Variants in BFSP2 observed in about 807,000 individuals in gnomAD.
BFSP2 encodes the protein beaded filament structural protein 2.
BFSP2 carries 38 observed loss-of-function variants against 44.9 expected under a neutral mutation model. That is an observed-to-expected ratio of 0.85 (90% CI 0.65 to 1.11). The LOEUF (loss-of-function observed/expected upper bound fraction) is 1.11, where lower values mean the gene tolerates loss of function less well. Ranked by LOEUF, BFSP2 falls within the 50% of genes least tolerant of loss-of-function variation. The pLI is 0.00. For missense variants in BFSP2, 525 were observed against 533.0 expected (o/e 0.99, Z 0.15); for synonymous variants, 197 against 209.9 (o/e 0.94, Z 0.53).
At chr3:133,412,998 C>T (rs1038782505) in intron 1 of BFSP2, among the ~76,000 whole-genome samples, 4 of 152,192 alleles carry the variant, frequency 2.6e-5, no homozygotes, top group African/African-American at 9.7e-5. Context: ...CGTCTGTGCT[C>T]TGCTACTATT....
chr3:133,450,815 T>C (rs925495004), intron 4 of BFSP2, among the ~76,000 whole-genome samples: 1 of 152,056 alleles, frequency 6.6e-6, no homozygotes, highest in Admixed American at 6.5e-5. Flanking sequence ...AATACAATCC[T>C]GAAAGAATAA....
At chr3:133,418,838 G>C (rs542233950) in intron 1 of BFSP2, among the ~76,000 whole-genome samples, 3 of 152,162 alleles carry the variant, frequency 2.0e-5, no homozygotes, top group Non-Finnish European at 2.9e-5. Flanking sequence ...CTTGTGTTGC[G>C]TGACGTCTGC....
chr3:133,468,159 T>C (rs1386962265), intron 5 of BFSP2, among the ~76,000 whole-genome samples: 1 of 152,092 alleles, frequency 6.6e-6, no homozygotes, highest in Non-Finnish European at 1.5e-5. Context: ...ATAAAACTAA[T>C]GAGATATGGT....
At chr3:133,474,027 AG>A (rs1175486890) in intron 6 of BFSP2, among the ~76,000 whole-genome samples, 2 of 152,150 alleles carry the variant, frequency 1.3e-5, no homozygotes, top group African/African-American at 4.8e-5. Context: ...GAGGCAGGCA[AG>A]GGGTTGGGAC....
intron 3 of BFSP2, chr3:133,448,933 C>A: frequency 7.2e-6 from 3 of 417,314 alleles, no homozygotes; most frequent in Non-Finnish European, 8.9e-6. Flanking sequence ...TTAGAGGGAG[C>A]AACCCCTCCT....
rs1281459289 is a variant in BFSP2 at position 133,418,896 on chromosome 3, A to G, written c.489+18324A>G. Among the ~76,000 whole-genome samples the G allele has an allele frequency of 3.3e-5, 5 of 152,204 alleles. No individual in the cohort carries two copies. In the East Asian group the frequency reaches 9.6e-4, roughly 29 times the overall value. ...TCTCTGTCTTAATTTGGGCCTCTCCATAACATACGGGGCTACCTAGGAAGA... is the reference window on the plus strand; with the variant it reads ...TCTCTGTCTTAATTTGGGCCTCTCCGTAACATACGGGGCTACCTAGGAAGA... On this transcript the variant is annotated intron_variant, in intron 1 of 6. Transcript: ENST00000302334.
intron 4 of BFSP2, among the ~76,000 whole-genome samples, chr3:133,464,908 G>A (rs1027291393): frequency 3.2e-4 from 49 of 152,078 alleles, no homozygotes; most frequent in African/African-American, 1.1e-3. Flanking sequence ...CGACTCCAAA[G>A]CCTTTAATGG....
At chr3:133,424,782 C>T (rs556871782) in intron 1 of BFSP2, among the ~76,000 whole-genome samples, 1 of 152,278 alleles carries the variant, frequency 6.6e-6, no homozygotes, top group South Asian at 2.1e-4. Flanking sequence ...ATTACAGGTG[C>T]ACAACACCAC....
intron 1 of BFSP2, among the ~76,000 whole-genome samples, chr3:133,411,183 A>G (rs1391385405): frequency 8.1e-4 from 3 of 3,682 alleles, no homozygotes; most frequent in Admixed American, 7.9e-3. Context: ...TAACACCGAA[A>G]AAAAAAAAAA....
intron 1 of BFSP2, among the ~76,000 whole-genome samples, chr3:133,442,284 G>A (rs2073853006): frequency 6.6e-6 from 1 of 152,128 alleles, no homozygotes; most frequent in African/African-American, 2.4e-5. Flanking sequence ...GACTGTGGGT[G>A]CACATCATGA....
intron 4 of BFSP2, among the ~76,000 whole-genome samples, chr3:133,458,035 G>A (rs1559980276): frequency 6.6e-6 from 1 of 152,200 alleles, no homozygotes; most frequent in Admixed American, 6.5e-5. Flanking sequence ...CCAAAAGTGT[G>A]TGCACTGGTA....
chr3:133,472,984 C>T (rs1162109161), intron 6 of BFSP2, among the ~76,000 whole-genome samples: 3 of 151,046 alleles, frequency 2.0e-5, no homozygotes, highest in African/African-American at 4.9e-5. Flanking sequence ...GGTCTCGTCT[C>T]GGTATGTTGC....
chr3:133,460,333 C>A lies in BFSP2; in HGVS notation c.892-6495C>A, dbSNP rs530498479. On this transcript the variant is annotated intron_variant, in intron 4 of 6. Transcript: ENST00000302334. ...CTTAGAAAGTGGCAACACTAGGATT[C>A]AAATTACACATTCTGACTCCAGAAT... Among the ~76,000 whole-genome samples the A allele has an allele frequency of 2.8e-4, 43 of 152,318 alleles. 1 individual carries two copies. The South Asian group carries it at 8.7e-3, about 31-fold the overall frequency.
chr3:133,431,175 G>C (rs2073713336), intron 1 of BFSP2, among the ~76,000 whole-genome samples: 1 of 152,032 alleles, frequency 6.6e-6, no homozygotes, highest in African/African-American at 2.4e-5. Context: ...TACCCAATCT[G>C]CTCCTGACAT....
chr3:133,417,279 CCCTCTCCCTTCTGCTCACCCCTGT>C lies in BFSP2; in HGVS notation c.489+16712_489+16735del, dbSNP rs1477653795. 2.9e-5 allele frequency among the ~76,000 whole-genome samples: 4 copies of C among 139,460 alleles called. No individual in the cohort carries two copies. The East Asian group carries it at 9.6e-4, about 33-fold the overall frequency. The allele number at this position is 139,460 out of a possible 152,430, so 91.5% of individuals were successfully genotyped here. ...GTCCTCTCCCCTCTACTCACCCTTG[CCCTCTCCCTTCTGCTCACCCCTGT>C]CCTCACCCCTCTACTCGGCCCTGCC... On this transcript the variant is annotated intron_variant, in intron 1 of 6. Transcript: ENST00000302334.
chr3:133,404,340 CT>C (rs1378186389), intron 1 of BFSP2, among the ~76,000 whole-genome samples: 3 of 152,312 alleles, frequency 2.0e-5, no homozygotes, highest in African/African-American at 7.2e-5. Context: ...CTCTCTGCCC[CT>C]GGGAGCCCCT....
chr3:133,434,465 C>CA (rs1344993511), intron 1 of BFSP2, among the ~76,000 whole-genome samples: 1 of 152,052 alleles, frequency 6.6e-6, no homozygotes, highest in East Asian at 1.9e-4. Context: ...TACCACCCCC[C>CA]AAAAATTTTC....
At chr3:133,407,309 A>G (rs2073412933) in intron 1 of BFSP2, among the ~76,000 whole-genome samples, 1 of 152,236 alleles carries the variant, frequency 6.6e-6, no homozygotes, top group Non-Finnish European at 1.5e-5. Context: ...AATCACCTCT[A>G]AACTTCAGAA....
Position 133,400,586 on chromosome 3 carries a change from CT to C in BFSP2, c.489+15del. 6.3e-7 allele frequency: 1 copy of C among 1,584,208 alleles called. No homozygotes were observed. The highest frequency in any genetic ancestry group is 8.6e-7 in the Non-Finnish European group (1 of 1,165,192). On this transcript the variant is annotated intron_variant, in intron 1 of 6. Transcript: ENST00000302334. This position sits in a 1 kb window ranked among gnomAD's most constrained non-coding sequence, Gnocchi z 4.0. ...AGCTGCCAGCAGGTAAGTGTCCAGG[CT>C]GTGCCAAGGGCTTTGCAGAGGGCTG...
Sources: gnomAD v4.1 joint callset for allele counts (sites outside exome capture counted in the v4.1 genomes callset) on GRCh38, gnomAD v4.1.1 for gene constraint, Gnocchi (gnomAD v3.1) non-coding constraint, MANE v1.5 for transcripts, NCBI Gene and HGNC (gene_info 2026-07-23, HGNC 2026-07-21) for gene names.